EYA3: variants seen among roughly 807,000 people sequenced by gnomAD.
EYA3 encodes EYA transcriptional coactivator and phosphatase 3, also known as protein phosphatase EYA3.
A neutral mutation model predicts 80.0 loss-of-function variants in EYA3; 39 were observed. The ratio of observed to expected loss-of-function variants is 0.49; its 90% confidence interval spans 0.38 to 0.64. The LOEUF (loss-of-function observed/expected upper bound fraction) is 0.64. EYA3 is among the 30% of genes least tolerant of loss of function. The pLI is 0.00. For synonymous variants in EYA3, 206 were observed against 232.8 expected, an observed-to-expected ratio of 0.88 and a Z score of 1.05; for missense variants, 523 against 676.1, an observed-to-expected ratio of 0.77 and a Z score of 2.51.
intron 12 of EYA3, chr1:27,998,255 T>C (rs1046542184): frequency 1.4e-5 from 13 of 924,920 alleles, no homozygotes; most frequent in Non-Finnish European, 1.7e-5. Flanking sequence ...AGGTGATTCT[T>C]ATGCCCCCTA....
At chr1:28,046,498 A>G (rs1167108950) in intron 3 of EYA3, among the ~76,000 whole-genome samples, 2 of 152,084 alleles carry the variant, frequency 1.3e-5, no homozygotes, top group African/African-American at 4.8e-5. Context: ...GAGTGAATGG[A>G]AATAGCAGGA....
chr1:28,063,415 G>A (rs975698841), intron 1 of EYA3, among the ~76,000 whole-genome samples: 3 of 139,968 alleles, frequency 2.1e-5, no homozygotes, highest in Non-Finnish European at 3.0e-5. Flanking sequence ...GGAGCACAGC[G>A]GCGTAATCTC....
chr1:28,077,558 C>G (rs376621320), intron 1 of EYA3, among the ~76,000 whole-genome samples: 1 of 152,080 alleles, frequency 6.6e-6, no homozygotes, highest in African/African-American at 2.4e-5. Context: ...TCTTCCAACA[C>G]TCCTTGGATC....
At chr1:27,982,221 C>A (rs1189463471) in intron 16 of EYA3, among the ~76,000 whole-genome samples, 4 of 151,974 alleles carry the variant, frequency 2.6e-5, no homozygotes, top group Non-Finnish European at 5.9e-5. Context: ...TGGTCTTGAA[C>A]TCCTGAGCTC....
At chr1:28,055,259 C>T (rs1273366849) in intron 2 of EYA3, among the ~76,000 whole-genome samples, 2 of 152,088 alleles carry the variant, frequency 1.3e-5, no homozygotes, top group East Asian at 1.9e-4. Flanking sequence ...GTTCTTTATA[C>T]TCTATTCTCC....
chr1:28,002,245 C>T (rs1015806771), intron 11 of EYA3, among the ~76,000 whole-genome samples: 8 of 151,942 alleles, frequency 5.3e-5, no homozygotes, highest in African/African-American at 1.9e-4. Flanking sequence ...GATGGGGTTT[C>T]ACCCTGTTGG....
intron 16 of EYA3, among the ~76,000 whole-genome samples, chr1:27,985,726 C>T (rs968643492): frequency 9.2e-5 from 14 of 152,070 alleles, no homozygotes; most frequent in East Asian, 1.9e-4. Context: ...TGATTACAGG[C>T]GCCTGCCACC....
At chr1:27,986,915 G>C (rs1639698422) in intron 16 of EYA3, among the ~76,000 whole-genome samples, 1 of 151,084 alleles carries the variant, frequency 6.6e-6, no homozygotes, top group South Asian at 2.1e-4. Context: ...TGTGAGCCAG[G>C]ATAGTCTCGA....
At chr1:28,070,493 C>G (rs1306340360) in intron 1 of EYA3, among the ~76,000 whole-genome samples, 1 of 151,946 alleles carries the variant, frequency 6.6e-6, no homozygotes, top group East Asian at 1.9e-4. Context: ...ACCCAGGAGG[C>G]AGAGGTTGCA....
chr1:28,059,058 A>G (rs994925082), intron 1 of EYA3, among the ~76,000 whole-genome samples: 1 of 152,248 alleles, frequency 6.6e-6, no homozygotes, highest in Non-Finnish European at 1.5e-5. Context: ...ATATAATCTT[A>G]TCACACAAGT....
chr1:27,997,367 C>A lies in EYA3; in HGVS notation c.1095G>T (p.Gln365His). 1 of 1,614,086 alleles carries A rather than the reference C, an allele frequency of 6.2e-7. No homozygotes were observed. Among genetic ancestry groups the A allele is most frequent in the Non-Finnish European group, 8.5e-7 (1 of 1,179,938 alleles). The part of the protein sequence containing the change: ...LFFNDLEECD[Q>H]VHVEDVASDD... The stretch of plus-strand genomic sequence containing the variant: ...CAGAAGCCACATCTTCCACATGTAC[C>A]TGGTCACACTCCTGTTAAAAGACAA... The change falls in exon 13 of 18, where the codon CAG (glutamine) becomes CAT (histidine). Residue 365 changes from glutamine to histidine, a missense_variant. Gln to His is a conservative substitution (Grantham distance 24). Around this residue, in one of 2 missense-constraint regions of EYA3, gnomAD observed 219 missense variants for 332.8 expected, o/e 0.66. Transcript: ENST00000373871.
intron 1 of EYA3, among the ~76,000 whole-genome samples, chr1:28,063,914 TG>T (rs940334067): frequency 1.3e-5 from 2 of 152,182 alleles, no homozygotes; most frequent in African/African-American, 4.8e-5. Flanking sequence ...TGTCCAACTT[TG>T]GGGGGGAAGG....
At chr1:28,019,613 T>A (rs1246200830) in intron 7 of EYA3, among the ~76,000 whole-genome samples, 2 of 152,194 alleles carry the variant, frequency 1.3e-5, no homozygotes, top group African/African-American at 4.8e-5. Flanking sequence ...AGCAAGTCCA[T>A]TTTTAGTTCA....
intron 3 of EYA3, among the ~76,000 whole-genome samples, chr1:28,043,270 T>C (rs892018157): frequency 1.3e-5 from 2 of 151,908 alleles, no homozygotes; most frequent in African/African-American, 4.8e-5. Flanking sequence ...CACTTTTTAT[T>C]ATATGTTTAT....
At chr1:28,060,782 G>A (rs1181883808) in intron 1 of EYA3, among the ~76,000 whole-genome samples, 3 of 152,170 alleles carry the variant, frequency 2.0e-5, no homozygotes, top group Admixed American at 6.5e-5. Context: ...TTGGGACGCC[G>A]AGGCAGGCGG....
intron 1 of EYA3, among the ~76,000 whole-genome samples, chr1:28,073,009 C>G (rs549825879): frequency 1.4e-5 from 2 of 145,118 alleles, no homozygotes; most frequent in Non-Finnish European, 3.0e-5. Context: ...ACTACAAGGA[C>G]AGAAAACAGA....
chr1:28,015,195 G>A (rs1641965529), intron 8 of EYA3, among the ~76,000 whole-genome samples: 4 of 152,164 alleles, frequency 2.6e-5, no homozygotes, highest in Admixed American at 2.6e-4. Context: ...AAAGTATGAT[G>A]GTGAAGAAGC....
chr1:28,073,674 G>A (rs1645108483), intron 1 of EYA3, among the ~76,000 whole-genome samples: 4 of 152,016 alleles, frequency 2.6e-5, no homozygotes, highest in Non-Finnish European at 5.9e-5. Context: ...GACCTCAGGT[G>A]ATCCACCCGC....
chr1:28,036,108 C>T (rs1364561335), intron 5 of EYA3, among the ~76,000 whole-genome samples: 1 of 152,220 alleles, frequency 6.6e-6, no homozygotes, highest in Non-Finnish European at 1.5e-5. Flanking sequence ...AGCCACTGCG[C>T]CCGGCCTAAA....
Sources: allele counts gnomAD v4.1 joint callset (sites outside exome capture counted in the v4.1 genomes callset), GRCh38; gene constraint gnomAD v4.1.1; regional missense constraint gnomAD v4.1.1; transcripts MANE v1.5; gene names NCBI Gene and HGNC (gene_info 2026-07-23, HGNC 2026-07-21).